PRR5L: variants seen among roughly 807,000 people sequenced by gnomAD.
PRR5L encodes proline rich 5 like, also known as proline-rich protein 5-like.
PRR5L carries 21 observed loss-of-function variants against 36.4 expected under a neutral mutation model. That is an observed-to-expected ratio of 0.58 (90% confidence interval 0.41 to 0.83). The LOEUF is 0.83. Ranked by LOEUF, PRR5L falls within the 40% of genes least tolerant of loss-of-function variation. The pLI is 0.00. For synonymous variants in PRR5L, 188 were observed against 197.0 expected, an observed-to-expected ratio of 0.95 and a Z score of 0.38; for missense variants, 381 against 473.3, an observed-to-expected ratio of 0.80 and a Z score of 1.81.
rs116146277 is a variant in PRR5L at position 36,317,516 on chromosome 11, C to A, written c.-126+21078C>A. ...GTCTTTTGGAGATTTGTCGCTTTTC[C>A]TACAGACTTTAAATTGCAACTCCCC... On this transcript the variant is annotated intron_variant, in intron 1 of 8. Transcript: ENST00000530639. Among the ~76,000 whole-genome samples the A allele has an allele frequency of 9.9e-3, 1,507 of 152,238 alleles. 29 individuals carry two copies. The highest frequency in any genetic ancestry group is 0.035 in the African/African-American group (1,439 of 41,504).
intron 8 of PRR5L, among the ~76,000 whole-genome samples, chr11:36,456,149 C>T (rs1408269743): frequency 6.6e-6 from 1 of 152,164 alleles, no homozygotes; most frequent in Non-Finnish European, 1.5e-5. Context: ...CATTCAGGAT[C>T]AGCAGGAGGA....
chr11:36,364,510 A>G (rs1426155502), intron 1 of PRR5L, among the ~76,000 whole-genome samples: 1 of 152,116 alleles, frequency 6.6e-6, no homozygotes, highest in Non-Finnish European at 1.5e-5. Flanking sequence ...AATTGCACCT[A>G]TTTCTTAGGA....
intron 1 of PRR5L, among the ~76,000 whole-genome samples, chr11:36,332,123 C>T (rs1856725375): frequency 6.6e-6 from 1 of 151,928 alleles, no homozygotes; most frequent in African/African-American, 2.4e-5. Context: ...TTTTTATCCC[C>T]CCTGGATTTG....
At chr11:36,348,791 C>A (rs556575665) in intron 1 of PRR5L, among the ~76,000 whole-genome samples, 6 of 152,254 alleles carry the variant, frequency 3.9e-5, no homozygotes, top group African/African-American at 1.4e-4. Flanking sequence ...CATCACAACA[C>A]CCCTATAACT....
chr11:36,415,097 C>T (rs2133576602), intron 3 of PRR5L, among the ~76,000 whole-genome samples: 2 of 151,266 alleles, frequency 1.3e-5, no homozygotes, highest in East Asian at 3.9e-4. Context: ...CAGTACCATG[C>T]TGTTTTGGTT....
At chr11:36,300,063 TC>T (rs1856358208) in intron 1 of PRR5L, among the ~76,000 whole-genome samples, 1 of 152,060 alleles carries the variant, frequency 6.6e-6, no homozygotes, top group Non-Finnish European at 1.5e-5. Context: ...TATAATTTAA[TC>T]AGCAGAATAA....
At chr11:36,438,875 T>C (rs1166619295) in intron 6 of PRR5L, among the ~76,000 whole-genome samples, 4 of 152,116 alleles carry the variant, frequency 2.6e-5, no homozygotes, top group African/African-American at 7.2e-5. Flanking sequence ...ATTGAAGCTG[T>C]AGTGAGCTGA....
At chr11:36,428,187 CA>C (rs1323014500) in intron 4 of PRR5L, among the ~76,000 whole-genome samples, 1 of 152,132 alleles carries the variant, frequency 6.6e-6, no homozygotes, top group Non-Finnish European at 1.5e-5. Context: ...GCCCAGGCAC[CA>C]GGGGTGAGGT....
At chr11:36,366,676 C>T (rs1857147317) in intron 1 of PRR5L, among the ~76,000 whole-genome samples, 1 of 151,928 alleles carries the variant, frequency 6.6e-6, no homozygotes, top group Admixed American at 6.6e-5. Flanking sequence ...TGAGTTAATC[C>T]CTCAAAGCTT....
intron 1 of PRR5L, among the ~76,000 whole-genome samples, chr11:36,351,673 ACT>A (rs1491203980): frequency 6.8e-4 from 2 of 2,928 alleles, no homozygotes; most frequent in Non-Finnish European, 1.2e-3. Context: ...ATATTTATAT[ACT>A]TATATATTTA....
intron 1 of PRR5L, among the ~76,000 whole-genome samples, chr11:36,348,557 A>G (rs143145388): frequency 3.3e-5 from 5 of 152,152 alleles, no homozygotes; most frequent in Non-Finnish European, 5.9e-5. Flanking sequence ...TGGTAATTCT[A>G]TGCTGTATTG....
At chr11:36,364,189 T>C (rs181457192) in intron 1 of PRR5L, among the ~76,000 whole-genome samples, 162 of 152,330 alleles carry the variant, frequency 1.1e-3, no homozygotes, top group African/African-American at 3.8e-3. Flanking sequence ...GCTCATAGTG[T>C]TGTTTCATGT....
intron 1 of PRR5L, among the ~76,000 whole-genome samples, chr11:36,318,678 G>T (rs1457123680): frequency 6.6e-6 from 1 of 152,204 alleles, no homozygotes; most frequent in Non-Finnish European, 1.5e-5. Flanking sequence ...GCTAGGATAG[G>T]ATTTCAGGGG....
At chr11:36,310,475 A>G (rs1446718346) in intron 1 of PRR5L, among the ~76,000 whole-genome samples, 2 of 151,780 alleles carry the variant, frequency 1.3e-5, no homozygotes, top group Non-Finnish European at 2.9e-5. Context: ...TACAAATGCA[A>G]GTAATTTATT....
rs539291428 is a variant in PRR5L, at chr11:36,407,483, G to A, written c.245+4105G>A. Among the ~76,000 whole-genome samples the A allele has an allele frequency of 2.6e-5, 4 of 152,342 alleles. No individual in the cohort carries two copies. In the South Asian group the frequency reaches 8.3e-4, roughly 32 times the overall value. On this transcript the variant is annotated intron_variant, in intron 3 of 8. Coordinates refer to ENST00000530639, the MANE Select transcript of PRR5L (RefSeq NM_001160167.2). ...TGGGACAGAATCCTCAAAGAGTGGT[G>A]CCTGGAGTTGAAGTTTGGGTGAGGC...
chr11:36,380,709 T>TA (rs1403947597), intron 1 of PRR5L: 6 of 152,242 alleles, frequency 3.9e-5, no homozygotes, highest in African/African-American at 1.4e-4. Context: ...CTGACTTTTT[T>TA]AAAAAACTCC....
In PRR5L at chr11:36,341,552, G is replaced by A. The variant is rs149265504; in HGVS notation, c.-126+45114G>A. Among the ~76,000 whole-genome samples the A allele has an allele frequency of 8.8e-3, 1,342 of 152,208 alleles. 13 individuals carry two copies. The highest frequency in any genetic ancestry group is 0.016 in the Non-Finnish European group (1,056 of 68,000). Reference sequence around the variant, plus strand: ...TATCTGGAGCTCAATGGGACATGCCGTCACAGTAAGCAGAGCCATTAAGAC... The same window carrying A: ...TATCTGGAGCTCAATGGGACATGCCATCACAGTAAGCAGAGCCATTAAGAC... On this transcript the variant is annotated intron_variant, in intron 1 of 8. Transcript: ENST00000530639.
intron 8 of PRR5L, among the ~76,000 whole-genome samples, chr11:36,461,701 C>A (rs180750995): frequency 1.0e-3 from 155 of 152,182 alleles, no homozygotes; most frequent in Non-Finnish European, 1.6e-3. Flanking sequence ...ATCCATGGAA[C>A]CTAGCCTGTT....
intron 1 of PRR5L, among the ~76,000 whole-genome samples, chr11:36,324,949 T>TATTTTTCAACAGC (rs1856645052): frequency 6.6e-6 from 1 of 152,206 alleles, no homozygotes; most frequent in South Asian, 2.1e-4. Context: ...TTTATATTAG[T>TATTTTTCAACAGC]ATTTTTCAAC....
Sources: gnomAD v4.1 joint callset for allele counts (sites outside exome capture counted in the v4.1 genomes callset) on GRCh38, gnomAD v4.1.1 for gene constraint, MANE v1.5 for transcripts, NCBI Gene and HGNC (gene_info 2026-07-23, HGNC 2026-07-21) for gene names.